Variants in KALRN observed in about 807,000 individuals in gnomAD.
KALRN encodes kalirin RhoGEF kinase.
Under a neutral mutation model 353.7 loss-of-function variants are expected in KALRN, and 70 were observed. The ratio of observed to expected loss-of-function variants is 0.20; its 90% CI spans 0.16 to 0.24. The LOEUF (loss-of-function observed/expected upper bound fraction) is 0.24. Ranked by LOEUF, KALRN falls within the 10% of genes least tolerant of loss-of-function variation. The probability of loss-of-function intolerance (pLI) is 1.00; values close to 1 mark genes in which losing one functional copy is unlikely to be tolerated. For missense variants in KALRN, 2,791 were observed against 3,756.7 expected, an observed-to-expected ratio of 0.74 and a Z score of 6.72; for synonymous variants, 1,391 against 1,434.8, an observed-to-expected ratio of 0.97 and a Z score of 0.69.
At chr3:124,388,158 A>G (rs1172828399) in intron 11 of KALRN, among the ~76,000 whole-genome samples, 1 of 152,044 alleles carries the variant, frequency 6.6e-6, no homozygotes, top group Non-Finnish European at 1.5e-5. Context: ...TGCCTTTGGG[A>G]GAATTACTCT....
intron 1 of KALRN, among the ~76,000 whole-genome samples, chr3:124,223,058 T>C (rs1425869768): frequency 2.0e-5 from 3 of 151,942 alleles, no homozygotes; most frequent in Non-Finnish European, 4.4e-5. Flanking sequence ...GCTCTTTTTT[T>C]TTTTTTTAGT....
In KALRN at chr3:124,285,513, A is replaced by G. The variant is rs9881980; in HGVS notation, c.970-13278A>G. Among the ~76,000 whole-genome samples, 996 of 152,314 alleles carry G rather than the reference A, an allele frequency of 6.5e-3. 9 individuals are homozygous for G. Among genetic ancestry groups the G allele is most frequent in the African/African-American group, 0.022 (923 of 41,558 alleles). ...TATCCTTTAAATTTATACAAATAAA[A>G]AAATTAATTAAAAATAAAATTTTTG... On this transcript the variant is annotated intron_variant, in intron 5 of 59. Transcript: ENST00000682506.
At chr3:124,368,194 C>T (rs1165640971) in intron 10 of KALRN, among the ~76,000 whole-genome samples, 3 of 76,992 alleles carry the variant, frequency 3.9e-5, no homozygotes, top group Non-Finnish European at 7.6e-5. Context: ...GGGGGGCTGA[C>T]CCCCCACACC....
chr3:124,446,737 A>C, intron 20 of KALRN, 26 bp from the exon 21 acceptor site: 1 of 1,613,178 alleles, frequency 6.2e-7, no homozygotes, highest in Non-Finnish European at 8.5e-7. Context: ...CTTTTTGGGG[A>C]CTGGATGAGT....
At chr3:124,497,657 AAAC>A (rs1287037877) in intron 33 of KALRN, among the ~76,000 whole-genome samples, 2 of 152,230 alleles carry the variant, frequency 1.3e-5, no homozygotes, top group African/African-American at 4.8e-5. Context: ...CCACTTGTGA[AAAC>A]ATACAATGAA....
chr3:124,113,652 C>T (rs1578202002), intron 1 of KALRN, among the ~76,000 whole-genome samples: 1 of 152,230 alleles, frequency 6.6e-6, no homozygotes, highest in African/African-American at 2.4e-5. Context: ...AAGGCCCCGC[C>T]TCCTCACCTG....
chr3:124,361,415 A>G lies in KALRN; in HGVS notation c.1770+14150A>G, dbSNP rs189157661. On this transcript the variant is annotated intron_variant, in intron 10 of 59. Coordinates refer to ENST00000682506, the MANE Select transcript of KALRN (RefSeq NM_001388419.1). Reference sequence around the variant, plus strand: ...CCCAGTTATTCCTCTGTTTATGTGTATATAGGTACATTTAGTAACCAGTTT... The same window carrying G: ...CCCAGTTATTCCTCTGTTTATGTGTGTATAGGTACATTTAGTAACCAGTTT... 2.0e-5 allele frequency among the ~76,000 whole-genome samples: 3 copies of G among 152,362 alleles called. No individual in the cohort carries two copies. The East Asian group carries it at 5.8e-4, about 29-fold the overall frequency.
chr3:124,653,870 T>C (rs1452267196), intron 38 of KALRN, among the ~76,000 whole-genome samples: 2 of 152,262 alleles, frequency 1.3e-5, no homozygotes, highest in African/African-American at 2.4e-5. Flanking sequence ...TGCCTTGCAA[T>C]GCCTGCAATT....
chr3:124,682,673 G>C (rs1301157702), intron 51 of KALRN, among the ~76,000 whole-genome samples: 1 of 152,158 alleles, frequency 6.6e-6, no homozygotes, highest in African/African-American at 2.4e-5. Context: ...GCTACCTTCA[G>C]GCTGGCATTT....
At chr3:124,198,263 G>A (rs2075631277) in intron 1 of KALRN, among the ~76,000 whole-genome samples, 1 of 152,080 alleles carries the variant, frequency 6.6e-6, no homozygotes, top group African/African-American at 2.4e-5. Context: ...ACAACACTGG[G>A]TTTGATTCTG....
chr3:124,285,592 G>A (rs1355852788), intron 5 of KALRN, among the ~76,000 whole-genome samples: 1 of 152,202 alleles, frequency 6.6e-6, no homozygotes, highest in East Asian at 1.9e-4. Flanking sequence ...CTGGAGTGCA[G>A]TGGCATGATC....
chr3:124,517,525 A>G (rs1420562470), intron 33 of KALRN, among the ~76,000 whole-genome samples: 1 of 152,218 alleles, frequency 6.6e-6, no homozygotes, highest in Non-Finnish European at 1.5e-5. Context: ...TTTAGAATAT[A>G]TCACTCTTCC....
chr3:124,134,002 C>T (rs58990477), intron 1 of KALRN, among the ~76,000 whole-genome samples: 4,834 of 152,222 alleles, frequency 0.032, 234 homozygotes, highest in African/African-American at 0.11. Flanking sequence ...ATACCACCAT[C>T]GTTCCTCACA....
intron 1 of KALRN, among the ~76,000 whole-genome samples, chr3:124,227,473 AGTT>A (rs2078653868): frequency 6.6e-6 from 1 of 152,086 alleles, no homozygotes; most frequent in Non-Finnish European, 1.5e-5. Context: ...AAAGACTAAT[AGTT>A]GTTGTGCCAG....
In KALRN at chr3:124,264,774, A is replaced by G. The variant is rs895467752; in HGVS notation, c.456+84A>G. On this transcript the variant is annotated intron_variant, in intron 4 of 59. Coordinates refer to ENST00000682506, the MANE Select transcript of KALRN (RefSeq NM_001388419.1). ...ATTTCTCACGTCCTCTTCTCTATCT[A>G]CCATACAGTATGTGACACCTCAAGG... The G allele has an allele frequency of 1.9e-5, 23 of 1,202,568 alleles. No homozygotes were observed. The African/African-American group carries it at 3.0e-4, about 16-fold the overall frequency. 74.5% of individuals were successfully genotyped at this position (1,202,568 alleles called of 1,614,324 possible). A position where few individuals can be genotyped will look rare whatever the true frequency, so the allele number is the denominator to read the frequency against.
chr3:124,488,519 A>C, intron 29 of KALRN: 1 of 553,798 alleles, frequency 1.8e-6, no homozygotes, highest in South Asian at 2.2e-5. Flanking sequence ...AGGAAGGACC[A>C]GGCCTAAGCC....
chr3:124,060,127 C>T (rs988179002), intron 1 of KALRN, among the ~76,000 whole-genome samples: 4 of 152,170 alleles, frequency 2.6e-5, no homozygotes, highest in African/African-American at 9.6e-5. Context: ...ACTGGCTTCG[C>T]TGACCATTTT....
At chr3:124,290,530 T>C (rs967138670) in intron 5 of KALRN, among the ~76,000 whole-genome samples, 1 of 152,124 alleles carries the variant, frequency 6.6e-6, no homozygotes, top group Non-Finnish European at 1.5e-5. Flanking sequence ...AGAAGGAAGC[T>C]CCGGGCTCAT....
intron 25 of KALRN, among the ~76,000 whole-genome samples, chr3:124,469,475 C>T (rs2060677379): frequency 6.6e-6 from 1 of 152,204 alleles, no homozygotes; most frequent in African/African-American, 2.4e-5. Context: ...TGCTAACCGG[C>T]TATCTTAGCC....
Sources: gnomAD v4.1 joint callset for allele counts (sites outside exome capture counted in the v4.1 genomes callset) on GRCh38, gnomAD v4.1.1 for gene constraint, MANE v1.5 for transcripts, NCBI Gene and HGNC (gene_info 2026-07-23, HGNC 2026-07-21) for gene names.